SCNN1B: variants seen among roughly 807,000 people sequenced by gnomAD.
SCNN1B encodes sodium channel epithelial 1 subunit beta.
A neutral mutation model predicts 65.3 loss-of-function variants in SCNN1B; 46 were observed. The ratio of observed to expected loss-of-function variants is 0.70; its 90% CI spans 0.56 to 0.90. The LOEUF is 0.90. Ranked by LOEUF, SCNN1B falls within the 40% of genes least tolerant of loss-of-function variation. The probability of loss-of-function intolerance (pLI) is 0.00; values close to 1 mark genes in which losing one functional copy is unlikely to be tolerated. For synonymous variants in SCNN1B, 349 were observed against 330.6 expected (o/e 1.06, Z -0.60); for missense variants, 751 against 830.5 (o/e 0.90, Z 1.18).
In SCNN1B at chr16:23,284,825, G is replaced by C. The variant is rs186515659; in HGVS notation, n.178+1021G>C. Among the ~76,000 whole-genome samples the C allele has an allele frequency of 1.8e-4, 27 of 152,300 alleles. No homozygotes were observed. In the East Asian group the frequency reaches 4.6e-3, roughly 26 times the overall value. On this transcript the variant is annotated intron_variant and non_coding_transcript_variant, in intron 2 of 3. Transcript: ENST00000569789. The stretch of plus-strand genomic sequence containing the variant: ...GTTGCCAGATCTGCTGACTTCTCAG[G>C]AGAAATAGAAAATCCTGATTTTCAA...
At chr16:23,354,417 G>A (rs913211307) in intron 3 of SCNN1B, among the ~76,000 whole-genome samples, 3 of 152,228 alleles carry the variant, frequency 2.0e-5, no homozygotes, top group African/African-American at 4.8e-5. Context: ...CCGGCTTCCC[G>A]GGTTCCAGCA....
chr16:23,377,681 TCC>T (rs66621428), intron 10 of SCNN1B, among the ~76,000 whole-genome samples: 3,870 of 140,592 alleles, frequency 0.028, 198 homozygotes, highest in African/African-American at 0.098. Context: ...CCTTTCTCCC[TCC>T]CTTCTCATTT....
At chr16:23,343,597 AAG>A (rs1567304331) in intron 1 of SCNN1B, among the ~76,000 whole-genome samples, 1 of 100,946 alleles carries the variant, frequency 9.9e-6, no homozygotes, top group African/African-American at 3.9e-5. Flanking sequence ...GAAAGAAAGA[AAG>A]AAAGAAAGAA....
intron 1 of SCNN1B, among the ~76,000 whole-genome samples, chr16:23,343,651 A>AAAGAAAGAAAAAAAG (rs1567304517): frequency 1.1e-5 from 1 of 91,130 alleles, no homozygotes; most frequent in Non-Finnish European, 2.3e-5. Context: ...AAGAAAGAAA[A>AAAGAAAGAAAAAAAG]AAAGAAAGGA....
At chr16:23,280,997 T>A (rs757438126) in intron 1 of SCNN1B, among the ~76,000 whole-genome samples, 1 of 152,076 alleles carries the variant, frequency 6.6e-6, no homozygotes, top group Non-Finnish European at 1.5e-5. Context: ...AAATTTAGAG[T>A]ACAGGTTAAA....
chr16:23,368,826 G>A (rs1376896340), intron 5 of SCNN1B, among the ~76,000 whole-genome samples: 4 of 152,148 alleles, frequency 2.6e-5, no homozygotes, highest in Admixed American at 6.6e-5. Context: ...GTTCTTACCT[G>A]TAAGTGGGAG....
Position 23,375,872 on chromosome 16 carries a change from G to C in SCNN1B, c.1270+17G>C. On this transcript the variant is annotated intron_variant, in intron 8 of 12. Transcript: ENST00000343070. Reference sequence around the variant, plus strand: ...CAGACTGGGGTGAGCGGGGGCACGGGGGATCGGCACTCCAGCCATCTGGGG... The same window carrying C: ...CAGACTGGGGTGAGCGGGGGCACGGCGGATCGGCACTCCAGCCATCTGGGG... 5.2e-6 allele frequency: 8 copies of C among 1,526,456 alleles called. No homozygotes were observed. The highest frequency in any genetic ancestry group is 7.3e-6 in the Non-Finnish European group (8 of 1,100,106). 94.6% of individuals were successfully genotyped at this position (1,526,456 alleles called of 1,614,324 possible).
Position 23,353,072 on chromosome 16 carries a change from C to T in SCNN1B, c.583C>T (p.Leu195=). 1 of 1,614,130 alleles carries T rather than the reference C, an allele frequency of 6.2e-7. No individual in the cohort carries two copies. Among genetic ancestry groups the T allele is most frequent in the Non-Finnish European group, 8.5e-7 (1 of 1,180,032 alleles). Residue 195 remains leucine, a splice_region_variant and synonymous_variant, in exon 3 of 13, where the codon CTA becomes TTA. Transcript: ENST00000343070. Reference sequence around the variant, plus strand: ...CCACGGGTGCAAAATGGCCATGAGACTAGTAAGTGGTCCCTGGGCACATAT... The same window carrying T: ...CCACGGGTGCAAAATGGCCATGAGATTAGTAAGTGGTCCCTGGGCACATAT... ...NAHGCKMAMR[L]CSLNRTQCTF...
chr16:23,310,635 C>T (rs28780996), intron 1 of SCNN1B, among the ~76,000 whole-genome samples: 18,975 of 152,248 alleles, frequency 0.12, 1,450 homozygotes, highest in African/African-American at 0.2. Context: ...TATGATTGCA[C>T]CACTGCACTC....
intron 1 of SCNN1B, among the ~76,000 whole-genome samples, chr16:23,337,528 T>G (rs1250152360): frequency 6.6e-6 from 1 of 151,660 alleles, no homozygotes; most frequent in Admixed American, 6.6e-5. Context: ...TAGGCACCTG[T>G]CACCATGCCC....
chr16:23,360,130 A>G (rs1041678931), intron 4 of SCNN1B, among the ~76,000 whole-genome samples: 3 of 152,128 alleles, frequency 2.0e-5, no homozygotes, highest in Non-Finnish European at 4.4e-5. Context: ...CCCAGGAGGC[A>G]GAGGTTGCAG....
At chr16:23,318,543 A>T (rs1961520596) in intron 1 of SCNN1B, among the ~76,000 whole-genome samples, 1 of 152,240 alleles carries the variant, frequency 6.6e-6, no homozygotes, top group Non-Finnish European at 1.5e-5. Flanking sequence ...CGGGAGGCAG[A>T]AGTTGCAGTG....
intron 1 of SCNN1B, among the ~76,000 whole-genome samples, chr16:23,326,873 T>TACC (rs1961708316): frequency 6.6e-6 from 1 of 152,098 alleles, no homozygotes; most frequent in South Asian, 2.1e-4. Context: ...GTGTACAGCG[T>TACC]ACCCATTAGG....
In SCNN1B at chr16:23,348,970, T is replaced by G. The variant is rs1962250926; in HGVS notation, c.311+60T>G. 7.3e-7 allele frequency: 1 copy of G among 1,372,650 alleles called. No homozygotes were observed. The highest frequency in any genetic ancestry group is 2.3e-5 in the East Asian group (1 of 43,582). 85.0% of individuals were successfully genotyped at this position (1,372,650 alleles called of 1,614,324 possible). A position where few individuals can be genotyped will look rare whatever the true frequency, so the allele number is the denominator to read the frequency against. ...AGACAGGCGGTTCTCTTTCTCTCTT[T>G]TCTTCCCTTCTACCTTTCCTTTCCT... On this transcript the variant is annotated intron_variant, in intron 2 of 12. Transcript: ENST00000343070. This position sits in a 1 kb window ranked among gnomAD's most constrained non-coding sequence, Gnocchi z 4.5.
intron 11 of SCNN1B, 152 bp from the exon 12 acceptor site, chr16:23,379,942 G>A (rs867866339): frequency 1.4e-6 from 1 of 727,568 alleles, no homozygotes; most frequent in Middle Eastern, 3.5e-4. Flanking sequence ...CTTCCTGTGT[G>A]CATGTGTGCA....
chr16:23,373,178 G>A (rs1962821071), intron 7 of SCNN1B, among the ~76,000 whole-genome samples: 1 of 152,178 alleles, frequency 6.6e-6, no homozygotes, highest in African/African-American at 2.4e-5. Flanking sequence ...AAGTGCTGTG[G>A]TGCCATCATA....
At chr16:23,338,548 C>T (rs1184634618) in intron 1 of SCNN1B, among the ~76,000 whole-genome samples, 7 of 152,172 alleles carry the variant, frequency 4.6e-5, no homozygotes, top group South Asian at 2.1e-4. Context: ...AAAATAAGTA[C>T]AGGGGATTTT....
chr16:23,329,709 T>G (rs1396640962), intron 1 of SCNN1B, among the ~76,000 whole-genome samples: 6 of 152,194 alleles, frequency 3.9e-5, no homozygotes, highest in Non-Finnish European at 8.8e-5. Flanking sequence ...GTAAGGGGAA[T>G]CATGGTAAAG....
At chr16:23,303,382 ACCTGAGCACC>A (rs1327373131) in intron 1 of SCNN1B, among the ~76,000 whole-genome samples, 7 of 152,008 alleles carry the variant, frequency 4.6e-5, no homozygotes, top group African/African-American at 1.7e-4. Flanking sequence ...GCTCCCAGAG[ACCTGAGCACC>A]CCTGTCTCAG....
Sources: gnomAD v4.1 joint callset for allele counts (sites outside exome capture counted in the v4.1 genomes callset) on GRCh38, gnomAD v4.1.1 for gene constraint, Gnocchi (gnomAD v3.1) non-coding constraint, MANE v1.5 for transcripts, NCBI Gene and HGNC (gene_info 2026-07-23, HGNC 2026-07-21) for gene names.